SGMS1: variants seen among roughly 807,000 people sequenced by gnomAD.
The protein encoded by SGMS1 is phosphatidylcholine:ceramide cholinephosphotransferase 1.
A neutral mutation model predicts 46.2 loss-of-function variants in SGMS1; 13 were observed. That is an observed-to-expected ratio of 0.28 (90% CI 0.18 to 0.45). The LOEUF (loss-of-function observed/expected upper bound fraction) is 0.45. Among genes scored for constraint, SGMS1 ranks in the 20% least tolerant of loss-of-function variants. The pLI is 1.00. For synonymous variants in SGMS1, 203 were observed against 187.8 expected (o/e 1.08, Z -0.66); for missense variants, 324 against 519.9 (o/e 0.62, Z 3.66).
At chr10:50,309,702 G>C (rs745430327) in intron 9 of SGMS1, among the ~76,000 whole-genome samples, 7 of 152,136 alleles carry the variant, frequency 4.6e-5, no homozygotes, top group Non-Finnish European at 8.8e-5. Flanking sequence ...TATAAGCACT[G>C]GAACATCTAT....
intron 6 of SGMS1, among the ~76,000 whole-genome samples, chr10:50,423,209 A>G (rs1351183986): frequency 6.6e-6 from 1 of 152,228 alleles, no homozygotes; most frequent in African/African-American, 2.4e-5. Flanking sequence ...TCAGCTCAAC[A>G]CGAATTGCAC....
chr10:50,548,968 G>A (rs1463860040), intron 2 of SGMS1, among the ~76,000 whole-genome samples: 1 of 152,194 alleles, frequency 6.6e-6, no homozygotes, highest in Non-Finnish European at 1.5e-5. Flanking sequence ...GATCATTAGA[G>A]AAATGCAAAT....
At chr10:50,518,754 A>G (rs940069358) in intron 3 of SGMS1, among the ~76,000 whole-genome samples, 4 of 152,198 alleles carry the variant, frequency 2.6e-5, no homozygotes, top group Admixed American at 2.6e-4. Context: ...AACAGTTTCA[A>G]AATTTTTAGA....
At chr10:50,609,730 C>T (rs1838730846) in intron 1 of SGMS1, among the ~76,000 whole-genome samples, 1 of 151,978 alleles carries the variant, frequency 6.6e-6, no homozygotes, top group Admixed American at 6.5e-5. Flanking sequence ...TGAATAATGA[C>T]CTTGATTATT....
intron 5 of SGMS1, among the ~76,000 whole-genome samples, chr10:50,438,997 G>A (rs981527822): frequency 2.0e-5 from 3 of 152,176 alleles, no homozygotes; most frequent in Admixed American, 6.5e-5. Flanking sequence ...CATTATATGA[G>A]CTATATTAAG....
At chr10:50,391,784 A>G (rs1032205671) in intron 6 of SGMS1, among the ~76,000 whole-genome samples, 3 of 151,580 alleles carry the variant, frequency 2.0e-5, no homozygotes, top group Non-Finnish European at 4.4e-5. Context: ...CATCAATGAT[A>G]GACGGGATAA....
At chr10:50,456,151 G>A (rs1487734045) in intron 5 of SGMS1, among the ~76,000 whole-genome samples, 1 of 152,112 alleles carries the variant, frequency 6.6e-6, no homozygotes, top group Non-Finnish European at 1.5e-5. Flanking sequence ...GATCTACAAT[G>A]CCCCAGTGAT....
chr10:50,506,375 G>A (rs1283001661), intron 3 of SGMS1, among the ~76,000 whole-genome samples: 3 of 152,030 alleles, frequency 2.0e-5, no homozygotes, highest in African/African-American at 7.2e-5. Context: ...AAGGAATTAA[G>A]CCTTCCTTCT....
chr10:50,535,916 A>G (rs567412223), intron 2 of SGMS1, among the ~76,000 whole-genome samples: 1 of 152,306 alleles, frequency 6.6e-6, no homozygotes, highest in South Asian at 2.1e-4. Context: ...AACTAGACAA[A>G]TGTAGTTAGT....
chr10:50,545,474 T>C (rs1463418016), intron 2 of SGMS1, among the ~76,000 whole-genome samples: 5 of 152,184 alleles, frequency 3.3e-5, no homozygotes, highest in African/African-American at 1.2e-4. Context: ...TCTCGCTCTG[T>C]CACCCAGGCT....
At chr10:50,600,693 A>G (rs1838641714) in intron 1 of SGMS1, among the ~76,000 whole-genome samples, 1 of 152,204 alleles carries the variant, frequency 6.6e-6, no homozygotes, top group Non-Finnish European at 1.5e-5. Flanking sequence ...GAAGATAGAA[A>G]AGCCATTTCT....
intron 6 of SGMS1, among the ~76,000 whole-genome samples, chr10:50,378,241 T>G (rs1848547580): frequency 6.6e-6 from 1 of 152,194 alleles, no homozygotes. Flanking sequence ...TTCTTTTTAC[T>G]GATTCCTCTT....
intron 9 of SGMS1, among the ~76,000 whole-genome samples, chr10:50,310,610 T>A (rs557284915): frequency 6.9e-4 from 105 of 151,634 alleles, no homozygotes; most frequent in African/African-American, 2.4e-3. Flanking sequence ...AAGGTTTTAA[T>A]CATATATTAA....
chr10:50,481,668 G>A (rs1180169232), intron 3 of SGMS1, among the ~76,000 whole-genome samples: 1 of 152,228 alleles, frequency 6.6e-6, no homozygotes, highest in Admixed American at 6.5e-5. Context: ...ACTGGGCTGA[G>A]GCTGAGATGG....
At chr10:50,503,559 C>A (rs1388456695) in intron 3 of SGMS1, among the ~76,000 whole-genome samples, 1 of 152,186 alleles carries the variant, frequency 6.6e-6, no homozygotes, top group Non-Finnish European at 1.5e-5. Context: ...CTTTACCTAC[C>A]CACATCTTAT....
At chr10:50,450,483 T>C (rs767393532) in intron 5 of SGMS1, among the ~76,000 whole-genome samples, 4 of 152,210 alleles carry the variant, frequency 2.6e-5, no homozygotes, top group Admixed American at 6.5e-5. Flanking sequence ...ACAACTGCTT[T>C]TCTGACTGTA....
chr10:50,615,621 C>G (rs1410999807), intron 1 of SGMS1, among the ~76,000 whole-genome samples: 1 of 152,244 alleles, frequency 6.6e-6, no homozygotes, highest in African/African-American at 2.4e-5. Context: ...CATCTTCTAA[C>G]TATTTATCAC....
At chr10:50,594,241 G>A (rs1838569359) in intron 1 of SGMS1, among the ~76,000 whole-genome samples, 1 of 152,200 alleles carries the variant, frequency 6.6e-6, no homozygotes, top group African/African-American at 2.4e-5. Context: ...CATCAGTACA[G>A]ACTTCAGAAT....
chr10:50,586,014 A>G (rs1838480463), intron 2 of SGMS1, among the ~76,000 whole-genome samples: 1 of 152,226 alleles, frequency 6.6e-6, no homozygotes, highest in Admixed American at 6.5e-5. Context: ...TGTAGGCCAT[A>G]TGGTCACTGT....
Sources: allele counts gnomAD v4.1 joint callset (sites outside exome capture counted in the v4.1 genomes callset), GRCh38; gene constraint gnomAD v4.1.1; transcripts MANE v1.5; gene names NCBI Gene and HGNC (gene_info 2026-07-23, HGNC 2026-07-21).